ACE: variants seen among roughly 807,000 people sequenced by gnomAD.
The protein encoded by ACE is angiotensin I converting enzyme, also known as angiotensin-converting enzyme.
A neutral mutation model predicts 162.3 loss-of-function variants in ACE; 122 were observed. The observed-to-expected ratio is 0.75, with a 90% confidence interval of 0.65 to 0.87. ACE has a LOEUF of 0.87. ACE is among the 40% of genes least tolerant of loss of function. The pLI, the probability that ACE is intolerant of heterozygous loss-of-function variation, is 0.00. For synonymous variants in ACE, 796 were observed against 720.6 expected, an observed-to-expected ratio of 1.10 and a Z score of -1.68; for missense variants, 1,799 against 1,735.1, an observed-to-expected ratio of 1.04 and a Z score of -0.65.
In ACE at chr17:63,483,882, C is replaced by G; in HGVS notation, c.1620C>G (p.Phe540Leu). 6.2e-7 allele frequency: 1 copy of G among 1,614,148 alleles called. No homozygotes were observed. Among genetic ancestry groups the G allele is most frequent in the Non-Finnish European group, 8.5e-7 (1 of 1,180,036 alleles). ...TGAGTTTTGTCCTGCAGTTCCAGTT[C>G]CATGAAGCCCTGTGCAAGGAGGCAG... is the stretch of plus-strand genomic sequence containing the variant. ...YFVSFVLQFQFHEALCKEAGY... is the reference protein window; with the variant it reads ...YFVSFVLQFQLHEALCKEAGY... Residue 540 changes from phenylalanine (F) to leucine (L), a missense_variant, in exon 11 of 25, where the codon TTC becomes TTG. By Grantham distance (22) the Phe-to-Leu change is conservative. Coordinates refer to ENST00000290866, the MANE Select transcript of ACE (RefSeq NM_000789.4).
At chr17:63,486,494 C>T (rs968228616) in intron 13 of ACE, 63 bp from the exon 14 acceptor site, 15 of 1,596,720 alleles carry the variant, frequency 9.4e-6, no homozygotes, top group East Asian at 2.3e-5. Context: ...CACTTGGGGC[C>T]TCCCGCTCAG....
At position 63,488,944 on chromosome 17, in the gene ACE, A is replaced by G. The variant is rs369245002; in HGVS notation, c.2453A>G (p.Tyr818Cys). ...CCTGGCTGTGTCCCCTCTGTAGGCT[A>G]TGTAGATGCAGGGGACTCGTGGAGG... is the stretch of plus-strand genomic sequence containing the variant. ...LINQAARLNG[Y>C]VDAGDSWRSM... Residue 818 changes from tyrosine (Y) to cysteine (C), a missense_variant, in exon 17 of 25, where the codon TAT becomes TGT. Coordinates refer to ENST00000290866, the MANE Select transcript of ACE (RefSeq NM_000789.4). The G allele has an allele frequency of 2.0e-5, 33 of 1,613,926 alleles. No homozygotes were observed. Among genetic ancestry groups the G allele is most frequent in the Middle Eastern group, 1.7e-4 (1 of 6,024 alleles).
Position 63,482,624 on chromosome 17 carries a change from T to G in ACE, c.1277T>G (p.Leu426Arg), listed in dbSNP as rs1295075641. ...GAGGCCATTGGGGACGTGCTGGCGC[T>G]CTCGGTCTCCACTCCTGAACATCTG... ...FHEAIGDVLA[L>R]SVSTPEHLHK... The change falls in exon 8 of 25, where the codon CTC (leucine) becomes CGC (arginine). Residue 426 changes from leucine to arginine, a missense_variant. By Grantham distance (102) the Leu-to-Arg change is moderately radical (BLOSUM62 -2). Coordinates refer to ENST00000290866, the MANE Select transcript of ACE (RefSeq NM_000789.4). 2 of 1,613,886 alleles carry G rather than the reference T, an allele frequency of 1.2e-6. No individual in the cohort carries two copies. Among genetic ancestry groups the G allele is most frequent in the Non-Finnish European group, 1.7e-6 (2 of 1,179,994 alleles).
rs767149889 is a variant in ACE, at chr17:63,477,956, A to G, written c.275A>G (p.Glu92Gly). 9 of 1,611,988 alleles carry G rather than the reference A, an allele frequency of 5.6e-6. No individual in the cohort carries two copies. Among genetic ancestry groups the G allele is most frequent in the Non-Finnish European group, 7.6e-6 (9 of 1,179,380 alleles). ...GAGGAAGCAGCCCTGCTCAGCCAGG[A>G]GTTTGCGGAGGCCTGGGGCCAGAAG... ...RQEEAALLSQ[E>G]FAEAWGQKAK... Residue 92 changes from glutamate (E) to glycine (G), a missense_variant, in exon 2 of 25, where the codon GAG becomes GGG. Transcript: ENST00000290866.
chr17:63,494,476 G>A lies in ACE; in HGVS notation c.3380+6G>A, dbSNP rs757031499. ...TCTAGCGTGCCTTACATCAGGTAAC[G>A]GGAAAGGCAGGAGGGCACATTGTGA... On this transcript the variant is annotated splice_donor_region_variant and intron_variant, in intron 22 of 24. Transcript: ENST00000290866. 5.2e-5 allele frequency: 83 copies of A among 1,611,294 alleles called. No individual in the cohort carries two copies. The highest frequency in any genetic ancestry group is 1.6e-4 in the Middle Eastern group (1 of 6,080).
In ACE at chr17:63,491,973, G is replaced by A. The variant is rs1442249757; in HGVS notation, c.2912+592G>A. 1.3e-5 allele frequency among the ~76,000 whole-genome samples: 2 copies of A among 152,252 alleles called. No homozygotes were observed. Among genetic ancestry groups the A allele is most frequent in the African/African-American group, 4.8e-5 (2 of 41,474 alleles). ...CCCTCTGTTGGGGGCAGCTCTCACA[G>A]CCGGGATGGCTCAATGGGGGCCATA... On this transcript the variant is annotated intron_variant, in intron 19 of 24. Coordinates refer to ENST00000290866, the MANE Select transcript of ACE (RefSeq NM_000789.4). The surrounding 1 kb of genome is among the most constrained non-coding windows in gnomAD (Gnocchi z 4.4).
chr17:63,477,578 T>G, intron 1 of ACE: 1 of 323,022 alleles, frequency 3.1e-6, no homozygotes, highest in South Asian at 5.6e-5. Context: ...CGCGCCCGCC[T>G]TCGCCGAAGG....
At chr17:63,481,819 G>A (rs2049715360) in intron 7 of ACE, 81 bp downstream of exon 7, 1 of 1,590,872 alleles carries the variant, frequency 6.3e-7, no homozygotes, top group Non-Finnish European at 8.6e-7. Flanking sequence ...GCGCAGGGAA[G>A]CTGGTTCCCA....
chr17:63,480,475 G>C lies in ACE; in HGVS notation c.794G>C (p.Arg265Pro), dbSNP rs930786156. 6.2e-7 allele frequency: 1 copy of C among 1,614,036 alleles called. No individual in the cohort carries two copies. Among genetic ancestry groups the C allele is most frequent in the East Asian group, 2.2e-5 (1 of 44,884 alleles). ...HAFVRRALHR[R>P]YGDRYINLRG... Reference sequence around the variant, plus strand: ...TTCGTCCGCCGCGCACTGCATCGCCGATACGGAGACAGATACATCAACCTC... The same window carrying C: ...TTCGTCCGCCGCGCACTGCATCGCCCATACGGAGACAGATACATCAACCTC... The change falls in exon 5 of 25, where the codon CGA becomes CCA. Residue 265 changes from arginine (R) to proline (P), a missense_variant. Coordinates refer to ENST00000290866, the MANE Select transcript of ACE (RefSeq NM_000789.4).
In ACE at chr17:63,497,427, C is replaced by G; in HGVS notation, c.*61C>G. ...CCCACCAGAGACTGGGATGGGAACA[C>G]TGGTGGGCAGCTGAGGACACACCCC... is the stretch of plus-strand genomic sequence containing the variant. On this transcript the variant is annotated 3_prime_UTR_variant, in exon 25 of 25. Coordinates refer to ENST00000290866, the MANE Select transcript of ACE (RefSeq NM_000789.4). 6.9e-7 allele frequency: 1 copy of G among 1,447,188 alleles called. No homozygotes were observed. Among genetic ancestry groups the G allele is most frequent in the Non-Finnish European group, 9.4e-7 (1 of 1,059,126 alleles). 89.6% of individuals were successfully genotyped at this position (1,447,188 alleles called of 1,614,324 possible). A position where few individuals can be genotyped will look rare whatever the true frequency, so the allele number is the denominator to read the frequency against.
chr17:63,486,793 G>A (rs1383641608), intron 14 of ACE, 78 bp downstream of exon 14: 53 of 1,577,600 alleles, frequency 3.4e-5, no homozygotes, highest in African/African-American at 1.3e-4. Flanking sequence ...TGGCCTTCAC[G>A]CTGCTTCCTC....
At chr17:63,495,663 C>G (rs955901635) in intron 22 of ACE, among the ~76,000 whole-genome samples, 10 of 152,232 alleles carry the variant, frequency 6.6e-5, no homozygotes, top group African/African-American at 2.2e-4. Flanking sequence ...GGCGCTGGCT[C>G]TCACCCGGGA....
Position 63,484,580 on chromosome 17 carries a change from G to A in ACE, c.1921+39G>A. The A allele has an allele frequency of 4.4e-6, 7 of 1,581,180 alleles. No homozygotes were observed. The highest frequency in any genetic ancestry group is 6.0e-6 in the Non-Finnish European group (7 of 1,163,862). ...TGAGGATGGTGTGGGGCTAAGGTGGGTCCTCAACTCTGGGCTTGGCCCAGG... is the reference window on the plus strand; with the variant it reads ...TGAGGATGGTGTGGGGCTAAGGTGGATCCTCAACTCTGGGCTTGGCCCAGG... On this transcript the variant is annotated intron_variant, in intron 12 of 24. Coordinates refer to ENST00000290866, the MANE Select transcript of ACE (RefSeq NM_000789.4). The surrounding 1 kb of genome is among the most constrained non-coding windows in gnomAD (Gnocchi z 4.0).
chr17:63,497,106 T>C (rs770356274), intron 24 of ACE, 31 bp from the exon 25 acceptor site: 1 of 1,594,912 alleles, frequency 6.3e-7, no homozygotes, highest in South Asian at 1.1e-5. Context: ...TGCCCTGCCC[T>C]GCCCATGCTG....
At position 63,493,475 on chromosome 17, in the gene ACE, G is replaced by C. The variant is rs3730044; in HGVS notation, c.2952G>C (p.Val984=). ...QCTTVNLEDL[V]VAHHEMGHIQ... The stretch of plus-strand genomic sequence containing the variant: ...CCACCGTGAACTTGGAGGACCTGGT[G>C]GTGGCCCACCACGAAATGGGCCACA... Residue 984 remains valine (V), a synonymous_variant, in exon 20 of 25, where the codon GTG becomes GTC. Transcript: ENST00000290866. 4.2e-4 allele frequency: 678 copies of C among 1,613,964 alleles called. 1 individual carries two copies. The highest frequency in any genetic ancestry group is 5.5e-4 in the Non-Finnish European group (648 of 1,180,026).
At position 63,478,002 on chromosome 17, in the gene ACE, G is replaced by T; in HGVS notation, c.321G>T (p.Pro107=). The T allele has an allele frequency of 6.2e-7, 1 of 1,611,844 alleles. No individual in the cohort carries two copies. The highest frequency in any genetic ancestry group is 2.2e-5 in the East Asian group (1 of 44,836). ...WGQKAKELYE[P]IWQNFTDPQL... is the part of the protein sequence containing the mutation. The stretch of plus-strand genomic sequence containing the variant: ...AGAAGGCCAAGGAGCTGTATGAACC[G>T]ATCTGGCAGAACTTCACGGACCCGC... Residue 107 remains proline (P), a synonymous_variant, in exon 2 of 25, where the codon CCG becomes CCT. Coordinates refer to ENST00000290866, the MANE Select transcript of ACE (RefSeq NM_000789.4).
At chr17:63,485,159 T>C (rs1346228764) in intron 12 of ACE, 77 bp from the exon 13 acceptor site, 3 of 1,606,212 alleles carry the variant, frequency 1.9e-6, no homozygotes, top group Non-Finnish European at 1.7e-6. Flanking sequence ...GCGAGAGGGA[T>C]AATGGCTTCT....
intron 22 of ACE, among the ~76,000 whole-genome samples, chr17:63,495,925 C>A (rs754450838): frequency 6.6e-6 from 1 of 152,226 alleles, no homozygotes; most frequent in African/African-American, 2.4e-5. Flanking sequence ...AATCCTCCAG[C>A]CTTGACTGGC....
At chr17:63,487,250 C>T (rs1029353030) in intron 15 of ACE, among the ~76,000 whole-genome samples, 177 bp downstream of exon 15, 3 of 152,110 alleles carry the variant, frequency 2.0e-5, no homozygotes, top group African/African-American at 4.8e-5. Context: ...AGAGCCGGCA[C>T]CTACTTCATA....
Sources: allele counts gnomAD v4.1 joint callset (sites outside exome capture counted in the v4.1 genomes callset), GRCh38; gene constraint gnomAD v4.1.1; non-coding constraint Gnocchi (gnomAD v3.1); transcripts MANE v1.5; gene names NCBI Gene and HGNC (gene_info 2026-07-23, HGNC 2026-07-21).